The following MAK variants were observed in gnomAD, a reference collection of about 807,000 sequenced individuals.
The protein encoded by MAK is male germ cell associated kinase.
Under a neutral mutation model 82.6 loss-of-function variants are expected in MAK, and 65 were observed. The ratio of observed to expected loss-of-function variants is 0.79; its 90% CI spans 0.64 to 0.97. The LOEUF is 0.97. Among genes scored for constraint, MAK ranks in the 50% least tolerant of loss-of-function variants. The pLI, the probability that MAK is intolerant of heterozygous loss-of-function variation, is 0.00. For missense variants in MAK, 703 were observed against 780.2 expected (o/e 0.90, Z 1.18); for synonymous variants, 250 against 274.2 (o/e 0.91, Z 0.87).
intron 7 of MAK, 27 bp downstream of exon 7, chr6:10,803,693 T>C (rs374472233): frequency 2.5e-6 from 4 of 1,595,730 alleles, no homozygotes; most frequent in East Asian, 2.2e-5. Context: ...TCAAAAGTTA[T>C]AGCAACTTAG....
At chr6:10,813,009 C>CG (rs1777075089) in intron 5 of MAK, among the ~76,000 whole-genome samples, 1 of 140,646 alleles carries the variant, frequency 7.1e-6, no homozygotes, top group Admixed American at 7.4e-5. Context: ...AGGTGATCCC[C>CG]CCCCCCGCCT....
Position 10,775,532 on chromosome 6 carries a change from TCAAA to T in MAK, c.1466-77_1466-74del, listed in dbSNP as rs1445756871. 4 of 1,511,992 alleles carry T rather than the reference TCAAA, an allele frequency of 2.6e-6. No individual in the cohort carries two copies. The African/African-American group carries it at 4.1e-5, about 16-fold the overall frequency. The allele number at this position is 1,511,992 out of a possible 1,614,324, so 93.7% of individuals were successfully genotyped here. On this transcript the variant is annotated intron_variant, in intron 11 of 14. Transcript: ENST00000354489. ...CTTAAAGGAAACTTATGTAATACAT[TCAAA>T]CAAAGACTAGAGACACCTTGGACAG...
intron 5 of MAK, among the ~76,000 whole-genome samples, chr6:10,812,490 C>T (rs553995702): frequency 6.6e-6 from 1 of 152,142 alleles, no homozygotes; most frequent in South Asian, 2.1e-4. Context: ...ATTTCATTCA[C>T]AGAATAGAAA....
At chr6:10,782,541 C>T (rs552621978) in intron 11 of MAK, among the ~76,000 whole-genome samples, 32 of 151,228 alleles carry the variant, frequency 2.1e-4, no homozygotes, top group Admixed American at 1.8e-3. Context: ...TTTTTCTTTT[C>T]CCCAATTACT....
intron 14 of MAK, among the ~76,000 whole-genome samples, chr6:10,765,861 C>A (rs1772384971): frequency 6.6e-6 from 1 of 152,118 alleles, no homozygotes; most frequent in Admixed American, 6.6e-5. Context: ...AAACTTTTAA[C>A]CACAAGGTTG....
rs1271497068 is a variant in MAK, at chr6:10,793,375, C to G, written c.1144-1528G>C. On this transcript the variant is annotated intron_variant, in intron 9 of 14. Transcript: ENST00000354489. This position sits in a 1 kb window ranked among gnomAD's most constrained non-coding sequence, Gnocchi z 4.6. The stretch of plus-strand genomic sequence containing the variant: ...AGTAGCCTGCCCAAGATCTCACGGT[C>G]GTTCTATTCATCATGAAGATTCAGG... 1.3e-5 allele frequency among the ~76,000 whole-genome samples: 2 copies of G among 152,102 alleles called. No homozygotes were observed. Among genetic ancestry groups the G allele is most frequent in the East Asian group, 3.8e-4 (2 of 5,196 alleles).
In MAK at chr6:10,830,811, A is replaced by G; in HGVS notation, c.-163T>C. The G allele has an allele frequency of 1.5e-6, 1 of 682,008 alleles. No individual in the cohort carries two copies. Among genetic ancestry groups the G allele is most frequent in the Non-Finnish European group, 2.7e-6 (1 of 372,304 alleles). 42.2% of individuals were successfully genotyped at this position (682,008 alleles called of 1,614,324 possible). A position where few individuals can be genotyped will look rare whatever the true frequency, so the allele number is the denominator to read the frequency against. Reference sequence around the variant, plus strand: ...AATATAGTCTCTCCCCCAAGATTACAGAGGTTCATGAGATATAGCATGAAG... The same window carrying G: ...AATATAGTCTCTCCCCCAAGATTACGGAGGTTCATGAGATATAGCATGAAG... On this transcript the variant is annotated 5_prime_UTR_variant, in exon 2 of 15. Coordinates refer to ENST00000354489, the MANE Select transcript of MAK (RefSeq NM_001242957.3).
rs142093185 is a variant in MAK, at chr6:10,776,315, A to G, written c.1466-856T>C. Among the ~76,000 whole-genome samples, 2 of 152,340 alleles carry G rather than the reference A, an allele frequency of 1.3e-5. No individual in the cohort carries two copies. The highest frequency in any genetic ancestry group is 4.8e-5 in the African/African-American group (2 of 41,580). ...TTGCAAATGTACTTGGAAAAAGAAC[A>G]GTTTAAATTACTTATGATTTTCTGA... On this transcript the variant is annotated intron_variant, in intron 11 of 14. Coordinates refer to ENST00000354489, the MANE Select transcript of MAK (RefSeq NM_001242957.3). The surrounding 1 kb of genome is among the most constrained non-coding windows in gnomAD (Gnocchi z 4.3).
At chr6:10,831,907 A>G (rs1778840330) in intron 1 of MAK, among the ~76,000 whole-genome samples, 1 of 152,200 alleles carries the variant, frequency 6.6e-6, no homozygotes, top group Non-Finnish European at 1.5e-5. Flanking sequence ...TCTGGTAGAG[A>G]TGCTATTAAC....
At chr6:10,788,118 G>A (rs1283878065) in intron 10 of MAK, among the ~76,000 whole-genome samples, 1 of 151,648 alleles carries the variant, frequency 6.6e-6, no homozygotes, top group East Asian at 2.0e-4. Flanking sequence ...AGCCTCCTGA[G>A]TAGCTCGAAC....
In MAK at chr6:10,810,297, G is replaced by A. The variant is rs144356419; in HGVS notation, c.359-1355C>T. 6.4e-3 allele frequency among the ~76,000 whole-genome samples: 967 copies of A among 151,116 alleles called. 3 individuals are homozygous for A. Among genetic ancestry groups the A allele is most frequent in the Middle Eastern group, 0.017 (5 of 294 alleles). On this transcript the variant is annotated intron_variant, in intron 5 of 14. Transcript: ENST00000354489. The stretch of plus-strand genomic sequence containing the variant: ...GAGACTGCAGGTGATCACTTGAAGA[G>A]GGTTTTCATGTAGCTTTGGAGCTGG...
chr6:10,792,915 G>A (rs565115731), intron 9 of MAK, among the ~76,000 whole-genome samples: 2 of 152,250 alleles, frequency 1.3e-5, no homozygotes, highest in South Asian at 2.1e-4. Context: ...TTAATAAAAG[G>A]TTACCCTTAG....
Position 10,800,205 on chromosome 6 carries a change from G to A in MAK, c.831+1687C>T, listed in dbSNP as rs1190483139. 6.6e-6 allele frequency among the ~76,000 whole-genome samples: 1 copy of A among 152,000 alleles called. No individual in the cohort carries two copies. The highest frequency in any genetic ancestry group is 1.5e-5 in the Non-Finnish European group (1 of 67,998). ...CGCCTGAACCCAGGAGGCGGAGGTT[G>A]CAGTGAGTGGAGATCATGCCACTAC... On this transcript the variant is annotated intron_variant, in intron 8 of 14. Transcript: ENST00000354489. This position sits in a 1 kb window ranked among gnomAD's most constrained non-coding sequence, Gnocchi z 4.2.
chr6:10,828,398 A>G (rs1037746733), intron 2 of MAK, among the ~76,000 whole-genome samples: 2 of 152,204 alleles, frequency 1.3e-5, no homozygotes, highest in African/African-American at 4.8e-5. Flanking sequence ...GCCAACAGCC[A>G]GTACAAATAT....
intron 2 of MAK, among the ~76,000 whole-genome samples, chr6:10,830,156 T>TGTGC (rs1554187797): frequency 5.7e-4 from 76 of 134,142 alleles, no homozygotes; most frequent in African/African-American, 2.0e-3. Flanking sequence ...TGTGTGTGTG[T>TGTGC]GCGTGTGCAC....
At chr6:10,770,082 T>C in intron 14 of MAK, 29 bp downstream of exon 14, 1 of 1,614,140 alleles carries the variant, frequency 6.2e-7, no homozygotes, top group East Asian at 2.2e-5. Context: ...GCTAGGAATC[T>C]AGAAAACTGT....
At chr6:10,779,022 G>C (rs1344442165) in intron 11 of MAK, among the ~76,000 whole-genome samples, 1 of 151,406 alleles carries the variant, frequency 6.6e-6, no homozygotes, top group Non-Finnish European at 1.5e-5. Context: ...CAGCTACTTG[G>C]GAGTCTGAGG....
At chr6:10,828,370 G>A (rs1255650117) in intron 2 of MAK, among the ~76,000 whole-genome samples, 1 of 152,154 alleles carries the variant, frequency 6.6e-6, no homozygotes, top group African/African-American at 2.4e-5. Flanking sequence ...TCTGTAAAAG[G>A]GAATTGAGGT....
intron 4 of MAK, among the ~76,000 whole-genome samples, chr6:10,816,534 C>T (rs1200469829): frequency 2.0e-5 from 3 of 151,812 alleles, no homozygotes; most frequent in African/African-American, 7.3e-5. Flanking sequence ...TTAAGATTAC[C>T]CATAATCCCA....
Sources: allele counts gnomAD v4.1 joint callset (sites outside exome capture counted in the v4.1 genomes callset), GRCh38; gene constraint gnomAD v4.1.1; non-coding constraint Gnocchi (gnomAD v3.1); transcripts MANE v1.5; gene names NCBI Gene and HGNC (gene_info 2026-07-23, HGNC 2026-07-21).